The following DOP1B variants were observed in gnomAD, a reference collection of about 807,000 sequenced individuals.
DOP1B encodes the protein protein DOP1B.
In DOP1B, 174 loss-of-function variants were observed where a neutral mutation model predicts 233.5. The ratio of observed to expected loss-of-function variants is 0.75; its 90% CI spans 0.66 to 0.85. The LOEUF (loss-of-function observed/expected upper bound fraction) is 0.85. Among genes scored for constraint, DOP1B ranks in the 40% least tolerant of loss-of-function variants. The pLI, the probability that DOP1B is intolerant of heterozygous loss-of-function variation, is 0.00. For synonymous variants in DOP1B, 1,190 were observed against 1,185.6 expected (o/e 1.00, Z -0.08); for missense variants, 2,652 against 2,846.6 (o/e 0.93, Z 1.56).
chr21:36,193,042 C>T (rs1466881174), intron 2 of DOP1B, among the ~76,000 whole-genome samples: 4 of 152,136 alleles, frequency 2.6e-5, no homozygotes, highest in African/African-American at 9.7e-5. Context: ...AAGAAAGAAG[C>T]TTTCCTAAGT....
intron 2 of DOP1B, among the ~76,000 whole-genome samples, chr21:36,192,455 C>T (rs1569011376): frequency 6.6e-6 from 1 of 150,960 alleles, no homozygotes; most frequent in African/African-American, 2.4e-5. Flanking sequence ...TCACAGCTCA[C>T]TGCAGCCTCA....
chr21:36,227,727 G>A lies in DOP1B; in HGVS notation c.1515G>A (p.Val505=), dbSNP rs1308961309. 1 of 1,603,968 alleles carries A rather than the reference G, an allele frequency of 6.2e-7. No individual in the cohort carries two copies. Among genetic ancestry groups the A allele is most frequent in the South Asian group, 1.1e-5 (1 of 90,280 alleles). The change falls in exon 13 of 37, where the codon GTG becomes GTA. Residue 505 remains valine, a synonymous_variant. Coordinates refer to ENST00000691173, the MANE Select transcript of DOP1B (RefSeq NM_001320714.2). ...TGCAAACCCAGTATCTCCCTCAGGT[G>A]CTCGGCTGCCTGGTGCAGCCTCTTG... ...SEVQTQYLPQ[V]LGCLVQPLAE...
At chr21:36,188,698 G>A (rs1010726864) in intron 2 of DOP1B, among the ~76,000 whole-genome samples, 2 of 152,202 alleles carry the variant, frequency 1.3e-5, no homozygotes, top group Non-Finnish European at 2.9e-5. Flanking sequence ...CTCCTCGTTT[G>A]CTTGGTGGGA....
chr21:36,210,048 C>T (rs570554121), intron 5 of DOP1B, among the ~76,000 whole-genome samples: 17 of 152,214 alleles, frequency 1.1e-4, no homozygotes, highest in Admixed American at 7.2e-4. Context: ...TTTCCTGCCC[C>T]GTCAGTATCC....
At chr21:36,241,858 C>T (rs1049825993) in intron 18 of DOP1B, among the ~76,000 whole-genome samples, 8 of 151,022 alleles carry the variant, frequency 5.3e-5, no homozygotes, top group African/African-American at 7.3e-5. Flanking sequence ...TCTTATCTTA[C>T]AGAGAAAAGC....
chr21:36,248,293 C>A, intron 20 of DOP1B, 87 bp from the exon 21 acceptor site: 1 of 1,431,576 alleles, frequency 7.0e-7, no homozygotes, highest in Non-Finnish European at 9.5e-7. Context: ...ACAGCCCAGA[C>A]CTAATCCCGC....
chr21:36,183,968 A>G (rs758849737), intron 2 of DOP1B, among the ~76,000 whole-genome samples: 3 of 151,002 alleles, frequency 2.0e-5, no homozygotes, highest in African/African-American at 7.3e-5. Context: ...GGTTCAAGCT[A>G]TTCTCCTGCC....
At chr21:36,221,563 G>A (rs1366774792) in intron 10 of DOP1B, among the ~76,000 whole-genome samples, 1 of 151,940 alleles carries the variant, frequency 6.6e-6, no homozygotes, top group African/African-American at 2.4e-5. Flanking sequence ...GACAGTTTCT[G>A]CTTTTTCAGT....
intron 4 of DOP1B, 132 bp from the exon 5 acceptor site, chr21:36,208,583 C>T (rs2835320): frequency 0.16 from 148,946 of 906,352 alleles, 13,105 homozygotes; most frequent in South Asian, 0.19. Context: ...CGGCTCCCGG[C>T]GATGAGGAAG....
At chr21:36,225,321 C>T (rs2066669848) in intron 11 of DOP1B, among the ~76,000 whole-genome samples, 1 of 151,896 alleles carries the variant, frequency 6.6e-6, no homozygotes, top group South Asian at 2.1e-4. Context: ...CCTCTGCCTC[C>T]CGGGTTCAAG....
intron 10 of DOP1B, among the ~76,000 whole-genome samples, chr21:36,222,234 C>T (rs1233916329): frequency 1.3e-5 from 2 of 152,002 alleles, no homozygotes; most frequent in Admixed American, 6.6e-5. Flanking sequence ...TGTAGCTGTG[C>T]AGGGATTTCG....
intron 21 of DOP1B, 73 bp downstream of exon 21, chr21:36,248,641 G>T (rs991293007): frequency 2.6e-5 from 38 of 1,439,954 alleles, no homozygotes; most frequent in Non-Finnish European, 3.5e-5. Flanking sequence ...ATGTGTATAG[G>T]AAAGTGTGCA....
chr21:36,183,233 GATGCCAGTA>G (rs1316358989), intron 2 of DOP1B, among the ~76,000 whole-genome samples: 1 of 152,180 alleles, frequency 6.6e-6, no homozygotes, highest in African/African-American at 2.4e-5. Flanking sequence ...CTGTCCAGTA[GATGCCAGTA>G]TCACCCCCTC....
At chr21:36,222,815 A>G (rs755174721) in intron 10 of DOP1B, among the ~76,000 whole-genome samples, 1 of 151,950 alleles carries the variant, frequency 6.6e-6, no homozygotes, top group Non-Finnish European at 1.5e-5. Flanking sequence ...AGCTCACTGC[A>G]ACCTCCGCCT....
rs144381000 is a variant in DOP1B at position 36,231,040 on chromosome 21, C to T, written c.2256C>T (p.Ala752=). The change falls in exon 14 of 37, where the codon GCC becomes GCT. Residue 752 remains alanine, a synonymous_variant. Coordinates refer to ENST00000691173, the MANE Select transcript of DOP1B (RefSeq NM_001320714.2). ...AGGAACGCAGGGAGGCCTTTGCCGC[C>T]GCCTGCCACCTGCTGCTGGATTGTG... ...SREERREAFA[A]ACHLLLDCAT... is the part of the protein sequence containing the mutation. 9.6e-5 allele frequency: 155 copies of T among 1,614,010 alleles called. No homozygotes were observed. The highest frequency in any genetic ancestry group is 1.0e-4 in the Non-Finnish European group (119 of 1,180,044).
At chr21:36,227,215 T>A (rs563471141) in intron 12 of DOP1B, among the ~76,000 whole-genome samples, 92 of 144,190 alleles carry the variant, frequency 6.4e-4, no homozygotes, top group Admixed American at 2.4e-3. Flanking sequence ...CTCAAAAAAA[T>A]AAATAAATAA....
Position 36,259,037 on chromosome 21 carries a change from C to T in DOP1B, c.5260-1640C>T, listed in dbSNP as rs2067139808. On this transcript the variant is annotated intron_variant, in intron 23 of 36. Transcript: ENST00000691173. ...GTCGCCCAGGCTGGCGCAATCTCGG[C>T]TCACTGCAAGCTCCACCTCCCAGGT... Among the ~76,000 whole-genome samples the T allele has an allele frequency of 3.4e-5, 5 of 148,154 alleles. No individual in the cohort carries two copies. In the South Asian group the frequency reaches 1.1e-3, roughly 32 times the overall value.
Position 36,265,731 on chromosome 21 carries a change from C to T in DOP1B, c.5487+1917C>T, listed in dbSNP as rs80100006. Among the ~76,000 whole-genome samples the T allele has an allele frequency of 8.2e-3, 1,251 of 152,294 alleles. 13 individuals carry two copies. The highest frequency in any genetic ancestry group is 0.029 in the African/African-American group (1,186 of 41,556). ...TCTGTCTCATGACACCTGGCCTCCCCGCCACTAATTCCTTCCTACTGTTTT... is the reference window on the plus strand; with the variant it reads ...TCTGTCTCATGACACCTGGCCTCCCTGCCACTAATTCCTTCCTACTGTTTT... On this transcript the variant is annotated intron_variant, in intron 26 of 36. Transcript: ENST00000691173.
In DOP1B at chr21:36,200,362, GCGGTGTCGGTGAGGC is replaced by G; in HGVS notation, c.358_372del (p.Ser120_Val124del). 6.2e-7 allele frequency: 1 copy of G among 1,608,846 alleles called. No homozygotes were observed. The highest frequency in any genetic ancestry group is 8.5e-7 in the Non-Finnish European group (1 of 1,178,210). ...GTTATTTCCTCTCCTGGCACACGCG[GCGGTGTCGGTGAGGC>G]CGGTGCTGCTCACCCTGTACGAGAA... On this transcript the variant is annotated inframe_deletion, in exon 4 of 37. Transcript: ENST00000691173.
Sources: allele counts gnomAD v4.1 joint callset (sites outside exome capture counted in the v4.1 genomes callset), GRCh38; gene constraint gnomAD v4.1.1; transcripts MANE v1.5; gene names NCBI Gene and HGNC (gene_info 2026-07-23, HGNC 2026-07-21).